Variants in WDPCP observed in about 807,000 individuals in gnomAD.
WDPCP encodes the protein WD repeat containing planar cell polarity effector, also known as WD repeat-containing and planar cell polarity effector protein fritz homolog.
WDPCP carries 71 observed loss-of-function variants against 93.1 expected under a neutral mutation model. The observed-to-expected ratio is 0.76, with a 90% CI of 0.63 to 0.93. The LOEUF is 0.93. Among genes scored for constraint, WDPCP ranks in the 40% least tolerant of loss-of-function variants. WDPCP has a pLI of 0.00. For missense variants in WDPCP, 844 were observed against 887.4 expected, an observed-to-expected ratio of 0.95 and a Z score of 0.62; for synonymous variants, 315 against 315.0, an observed-to-expected ratio of 1.00 and a Z score of 0.00.
At chr2:63,227,817 C>A (rs1678424325) in intron 14 of WDPCP, among the ~76,000 whole-genome samples, 1 of 152,072 alleles carries the variant, frequency 6.6e-6, no homozygotes, top group Non-Finnish European at 1.5e-5. Context: ...CCTATATTCC[C>A]TAACCTTGAT....
intron 1 of WDPCP, among the ~76,000 whole-genome samples, chr2:63,517,144 C>CCTAA (rs1702607807): frequency 6.6e-6 from 1 of 152,034 alleles, no homozygotes; most frequent in Non-Finnish European, 1.5e-5. Context: ...TCTTATCTTG[C>CCTAA]CTAGAGCACT....
At chr2:63,633,285 T>C (rs569635468) in intron 3 of WDPCP, among the ~76,000 whole-genome samples, 1 of 152,104 alleles carries the variant, frequency 6.6e-6, no homozygotes, top group Non-Finnish European at 1.5e-5. Context: ...TAAGAAAGTA[T>C]GAAACTGACT....
chr2:63,432,176 C>T (rs1056316934), intron 9 of WDPCP, among the ~76,000 whole-genome samples: 1 of 152,050 alleles, frequency 6.6e-6, no homozygotes, highest in Admixed American at 6.5e-5. Context: ...TTCCACAGAG[C>T]TAATAATATC....
chr2:63,533,125 A>C (rs1309754184), intron 1 of WDPCP, among the ~76,000 whole-genome samples: 2 of 148,512 alleles, frequency 1.3e-5, no homozygotes. Context: ...GGCATTACAT[A>C]ATGGTAAAGG....
At chr2:63,127,668 T>TATATATAC (rs1670011713) in intron 17 of WDPCP, among the ~76,000 whole-genome samples, 1 of 96,286 alleles carries the variant, frequency 1.0e-5, no homozygotes, top group Non-Finnish European at 2.5e-5. Flanking sequence ...TGTGCATATA[T>TATATATAC]ATATATATAT....
At chr2:63,493,041 C>G (rs909141421) in intron 1 of WDPCP, 101 bp from the exon 2 acceptor site, 1 of 1,007,258 alleles carries the variant, frequency 9.9e-7, no homozygotes, top group Non-Finnish European at 1.5e-6. Context: ...TTCGCCACAA[C>G]TGTTATTTGA....
At position 63,181,244 on chromosome 2, in the gene WDPCP, G is replaced by A. The variant is rs762077178; in HGVS notation, c.1916-6412C>T. Among the ~76,000 whole-genome samples the A allele has an allele frequency of 5.3e-5, 8 of 151,966 alleles. No individual in the cohort carries two copies. The East Asian group carries it at 1.5e-3, about 29-fold the overall frequency. On this transcript the variant is annotated intron_variant, in intron 14 of 17. Coordinates refer to ENST00000272321, the MANE Select transcript of WDPCP (RefSeq NM_015910.7). The stretch of plus-strand genomic sequence containing the variant: ...TTGTGTTTTTGTTGCATTTGCTTTC[G>A]AGGCCTTAGTCATAAATTGCTCATC...
intron 3 of WDPCP, among the ~76,000 whole-genome samples, chr2:63,610,463 T>C (rs1709602587): frequency 6.6e-6 from 1 of 151,362 alleles, no homozygotes; most frequent in South Asian, 2.1e-4. Flanking sequence ...ATAATTTAAA[T>C]AAAAGTTATA....
chr2:63,677,313 C>T (rs1455369306), intron 2 of WDPCP, among the ~76,000 whole-genome samples: 1 of 152,078 alleles, frequency 6.6e-6, no homozygotes, highest in Non-Finnish European at 1.5e-5. Flanking sequence ...TTTTCATACT[C>T]AATATACATC....
At chr2:63,607,159 G>A in intron 3 of WDPCP, 1 of 471,004 alleles carries the variant, frequency 2.1e-6, no homozygotes, top group South Asian at 3.1e-5. Flanking sequence ...TCGTCATGCT[G>A]TTAGTGTGCA....
rs533331577 is a variant in WDPCP, at chr2:63,572,701, C to CAAAAAAAAAAAAAAAA, written c.75+15480_75+15495dup. Among the ~76,000 whole-genome samples, 91 of 24,776 alleles carry CAAAAAAAAAAAAAAAA rather than the reference C, an allele frequency of 3.7e-3. 19 individuals are homozygous for CAAAAAAAAAAAAAAAA. Among genetic ancestry groups the CAAAAAAAAAAAAAAAA allele is most frequent in the African/African-American group, 8.7e-3 (40 of 4,576 alleles). 16.3% of individuals were successfully genotyped at this position (24,776 alleles called of 152,430 possible). On this transcript the variant is annotated intron_variant, in intron 1 of 17. Coordinates refer to ENST00000272321, the MANE Select transcript of WDPCP (RefSeq NM_015910.7). The stretch of plus-strand genomic sequence containing the variant: ...TGGGTGACAGAGTGAGACTCTGTCT[C>CAAAAAAAAAAAAAAAA]AAAAAAAAAAAAAAAAAAAAAAAAA...
At chr2:63,433,183 C>T (rs1275565567) in intron 9 of WDPCP, among the ~76,000 whole-genome samples, 1 of 152,136 alleles carries the variant, frequency 6.6e-6, no homozygotes, top group East Asian at 1.9e-4. Flanking sequence ...TAATCTATAG[C>T]TCTCCTTAAA....
chr2:63,737,084 T>C (rs1040012981), intron 2 of WDPCP, among the ~76,000 whole-genome samples: 4 of 152,210 alleles, frequency 2.6e-5, no homozygotes, highest in Non-Finnish European at 4.4e-5. Context: ...GTCTCATGTG[T>C]ACTCCCAAAA....
rs370479356 is a variant in WDPCP at position 63,602,934 on chromosome 2, C to CTTTTTTTTTTTTTTTTTTTTTTTT, written n.488+47701_488+47724dup. On this transcript the variant is annotated intron_variant and non_coding_transcript_variant, in intron 3 of 4. Coordinates refer to the WDPCP transcript ENST00000467687. ...ACATAATACAGTTTATTTAACCGTTCTTTTTTTTTTTTTTTTTTTTTTTTT... is the reference window on the plus strand; with the variant it reads ...ACATAATACAGTTTATTTAACCGTTCTTTTTTTTTTTTTTTTTTTTTTTTTTTTTTTTTTTTTTTTTTTTTTTTT... Among the ~76,000 whole-genome samples, 8 of 131,536 alleles carry CTTTTTTTTTTTTTTTTTTTTTTTT rather than the reference C, an allele frequency of 6.1e-5. 1 individual carries two copies. The highest frequency in any genetic ancestry group is 1.0e-4 in the Non-Finnish European group (6 of 59,610). The allele number at this position is 131,536 out of a possible 152,430, so 86.3% of individuals were successfully genotyped here.
chr2:63,343,783 G>A (rs1202401149), intron 12 of WDPCP, among the ~76,000 whole-genome samples: 3 of 152,002 alleles, frequency 2.0e-5, no homozygotes, highest in African/African-American at 7.2e-5. Flanking sequence ...TCTTCTGCCA[G>A]GTCAAACTTG....
intron 1 of WDPCP, among the ~76,000 whole-genome samples, chr2:63,529,502 T>C (rs1483716907): frequency 6.6e-6 from 1 of 152,236 alleles, no homozygotes; most frequent in African/African-American, 2.4e-5. Flanking sequence ...GTTCTGTTTA[T>C]GTGATGGATT....
At chr2:63,137,339 C>T (rs1406091173) in intron 17 of WDPCP, among the ~76,000 whole-genome samples, 1 of 152,016 alleles carries the variant, frequency 6.6e-6, no homozygotes, top group Non-Finnish European at 1.5e-5. Context: ...AGCATTTTTT[C>T]ATGATTGTTG....
At chr2:63,275,837 G>C (rs1683043539) in intron 13 of WDPCP, among the ~76,000 whole-genome samples, 1 of 152,180 alleles carries the variant, frequency 6.6e-6, no homozygotes. Context: ...TAGGAGGCAG[G>C]ACTAGCTTGC....
In WDPCP at chr2:63,703,685, C is replaced by T. The variant is rs561134670; in HGVS notation, n.309-52847G>A. ...TCTCTGTTTTGGTACCAGTACCATG[C>T]TGTTTTGGTTACTGTAGCCTTGTAG... is the stretch of plus-strand genomic sequence containing the variant. On this transcript the variant is annotated intron_variant and non_coding_transcript_variant, in intron 2 of 4. Coordinates refer to the WDPCP transcript ENST00000467687. Among the ~76,000 whole-genome samples, 389 of 152,204 alleles carry T rather than the reference C, an allele frequency of 2.6e-3. 2 individuals are homozygous for T. Among genetic ancestry groups the T allele is most frequent in the Non-Finnish European group, 3.9e-3 (267 of 68,022 alleles).
Sources: gnomAD v4.1 joint callset for allele counts (sites outside exome capture counted in the v4.1 genomes callset) on GRCh38, gnomAD v4.1.1 for gene constraint, MANE v1.5 for transcripts, NCBI Gene and HGNC (gene_info 2026-07-23, HGNC 2026-07-21) for gene names.